ADAMTS3: variants seen among roughly 807,000 people sequenced by gnomAD.
ADAMTS3 encodes the protein A disintegrin and metalloproteinase with thrombospondin motifs 3.
Under a neutral mutation model 129.0 loss-of-function variants are expected in ADAMTS3, and 73 were observed. That is an observed-to-expected ratio of 0.57 (90% CI 0.47 to 0.69). ADAMTS3 has a LOEUF of 0.69. Among genes scored for constraint, ADAMTS3 ranks in the 30% least tolerant of loss-of-function variants. The probability of loss-of-function intolerance (pLI) is 0.00; values close to 1 mark genes in which losing one functional copy is unlikely to be tolerated. For missense variants in ADAMTS3, 1,457 were observed against 1,514.5 expected (o/e 0.96, Z 0.63); for synonymous variants, 477 against 510.8 (o/e 0.93, Z 0.89).
At chr4:72,344,582 T>C (rs1720229347) in intron 4 of ADAMTS3, among the ~76,000 whole-genome samples, 1 of 152,158 alleles carries the variant, frequency 6.6e-6, no homozygotes, top group African/African-American at 2.4e-5. Flanking sequence ...AAGGGTTACA[T>C]GTGACTAAGT....
intron 21 of ADAMTS3, among the ~76,000 whole-genome samples, chr4:72,284,227 C>T (rs1297653886): frequency 1.3e-5 from 2 of 152,036 alleles, no homozygotes; most frequent in African/African-American, 4.8e-5. Flanking sequence ...AAAAAATTCT[C>T]CAGTTTGAGA....
At chr4:72,411,739 C>G (rs1722189364) in intron 4 of ADAMTS3, among the ~76,000 whole-genome samples, 1 of 152,084 alleles carries the variant, frequency 6.6e-6, no homozygotes, top group African/African-American at 2.4e-5. Flanking sequence ...CCTCCTTTAT[C>G]AAGCCTATTT....
At chr4:72,385,798 AT>A (rs1332097809) in intron 4 of ADAMTS3, among the ~76,000 whole-genome samples, 1 of 152,202 alleles carries the variant, frequency 6.6e-6, no homozygotes, top group Non-Finnish European at 1.5e-5. Context: ...AAACCTCAGC[AT>A]CATGCAATAT....
At chr4:72,410,720 G>A (rs1237469460) in intron 4 of ADAMTS3, among the ~76,000 whole-genome samples, 2 of 152,018 alleles carry the variant, frequency 1.3e-5, no homozygotes, top group African/African-American at 4.8e-5. Flanking sequence ...AATAGTAGAG[G>A]TGAAATTTAT....
chr4:72,534,328 A>G (rs1721133404), intron 3 of ADAMTS3, among the ~76,000 whole-genome samples: 1 of 149,308 alleles, frequency 6.7e-6, no homozygotes, highest in African/African-American at 2.4e-5. Flanking sequence ...CTCCGTCTCA[A>G]AAAAAAAAAA....
chr4:72,518,483 T>C (rs6838308), intron 3 of ADAMTS3, among the ~76,000 whole-genome samples: 7,366 of 152,088 alleles, frequency 0.048, 584 homozygotes, highest in African/African-American at 0.17. Context: ...AGTCTCTTTG[T>C]AGGTCACTCA....
At chr4:72,388,151 T>C (rs957160008) in intron 4 of ADAMTS3, among the ~76,000 whole-genome samples, 2 of 152,224 alleles carry the variant, frequency 1.3e-5, no homozygotes, top group Non-Finnish European at 2.9e-5. Context: ...CCTGTTGCTG[T>C]CATGCCATGT....
chr4:72,485,023 G>T (rs916575440), intron 3 of ADAMTS3, among the ~76,000 whole-genome samples: 5 of 151,970 alleles, frequency 3.3e-5, no homozygotes, highest in African/African-American at 9.7e-5. Context: ...GATGAAATGG[G>T]TTGTAAAATG....
intron 20 of ADAMTS3, among the ~76,000 whole-genome samples, chr4:72,289,189 G>A (rs1718595474): frequency 6.6e-6 from 1 of 152,088 alleles, no homozygotes; most frequent in Admixed American, 6.6e-5. Context: ...GGAACAAAGT[G>A]TATAAAGCAG....
intron 3 of ADAMTS3, among the ~76,000 whole-genome samples, chr4:72,517,893 T>G (rs911841830): frequency 4.6e-5 from 7 of 151,414 alleles, no homozygotes; most frequent in Non-Finnish European, 8.9e-5. Flanking sequence ...TGAATGTGTT[T>G]GCTCTTGCTT....
intron 3 of ADAMTS3, among the ~76,000 whole-genome samples, chr4:72,513,678 C>T (rs1720375050): frequency 6.6e-6 from 1 of 152,164 alleles, no homozygotes; most frequent in South Asian, 2.1e-4. Context: ...TCCCTCTTTC[C>T]TGTCTCTGTA....
At chr4:72,390,955 G>A (rs1292292709) in intron 4 of ADAMTS3, among the ~76,000 whole-genome samples, 1 of 149,426 alleles carries the variant, frequency 6.7e-6, no homozygotes, top group Non-Finnish European at 1.5e-5. Flanking sequence ...TCTGGGAAAT[G>A]AAAAATGATT....
At chr4:72,426,778 A>T (rs1423172093) in intron 3 of ADAMTS3, among the ~76,000 whole-genome samples, 1 of 151,996 alleles carries the variant, frequency 6.6e-6, no homozygotes, top group Non-Finnish European at 1.5e-5. Context: ...GGTCCCAGCT[A>T]CTGTGTTGAG....
At chr4:72,339,902 G>A (rs2109832080) in intron 4 of ADAMTS3, among the ~76,000 whole-genome samples, 1 of 152,280 alleles carries the variant, frequency 6.6e-6, no homozygotes, top group African/African-American at 2.4e-5. Flanking sequence ...AACACTGAAG[G>A]TAAAATCATA....
At chr4:72,436,911 C>T (rs1044447139) in intron 3 of ADAMTS3, among the ~76,000 whole-genome samples, 5 of 151,882 alleles carry the variant, frequency 3.3e-5, no homozygotes, top group Non-Finnish European at 5.9e-5. Flanking sequence ...ACATAAATGA[C>T]GAGTTAATGG....
chr4:72,320,815 C>A lies in ADAMTS3; in HGVS notation c.1001G>T (p.Arg334Leu), dbSNP rs373312832. 1.9e-6 allele frequency: 3 copies of A among 1,613,934 alleles called. No homozygotes were observed. The highest frequency in any genetic ancestry group is 2.5e-6 in the Non-Finnish European group (3 of 1,179,906). The change falls in exon 7 of 22, where the codon CGC becomes CTC. Residue 334 changes from arginine (R) to leucine (L), a missense_variant. Transcript: ENST00000286657. ...AGATCTTTGCTGTTGGGACGCCCAG[C>A]GACACACATTCTCCAAGCTTCTGGA... ...NPSRSLENVC[R>L]WASQQQRSDL...
chr4:72,321,589 G>A (rs1719557015), intron 6 of ADAMTS3, among the ~76,000 whole-genome samples: 1 of 152,118 alleles, frequency 6.6e-6, no homozygotes. Flanking sequence ...CATTGAGAAA[G>A]ATTCTGGCAT....
intron 3 of ADAMTS3, among the ~76,000 whole-genome samples, chr4:72,431,008 A>T (rs1291414650): frequency 1.3e-5 from 2 of 151,998 alleles, no homozygotes; most frequent in African/African-American, 4.8e-5. Context: ...TTAAGATTTT[A>T]AGATTTTTTT....
chr4:72,361,420 C>T (rs189632852), intron 4 of ADAMTS3, among the ~76,000 whole-genome samples: 2 of 152,122 alleles, frequency 1.3e-5, no homozygotes, highest in East Asian at 3.9e-4. Flanking sequence ...GTTATAATGG[C>T]AATAATATCA....
Sources: allele counts gnomAD v4.1 joint callset (sites outside exome capture counted in the v4.1 genomes callset), GRCh38; gene constraint gnomAD v4.1.1; transcripts MANE v1.5; gene names NCBI Gene and HGNC (gene_info 2026-07-23, HGNC 2026-07-21).